The following HNRNPL variants were observed in gnomAD, a reference collection of about 807,000 sequenced individuals.
HNRNPL encodes the protein heterogeneous nuclear ribonucleoprotein L.
In HNRNPL, 12 loss-of-function variants were observed where a neutral mutation model predicts 64.0. The observed-to-expected ratio is 0.19, with a 90% CI of 0.12 to 0.30. The LOEUF (loss-of-function observed/expected upper bound fraction) is 0.30. HNRNPL is among the 10% of genes least tolerant of loss of function. The pLI, the probability that HNRNPL is intolerant of heterozygous loss-of-function variation, is 1.00. For missense variants in HNRNPL, 484 were observed against 797.4 expected (o/e 0.61, Z 4.73); for synonymous variants, 385 against 313.0 (o/e 1.23, Z -2.43).
At chr19:38,849,471 T>A (rs996508737) in intron 1 of HNRNPL, 1 of 495,344 alleles carries the variant, frequency 2.0e-6, no homozygotes, top group African/African-American at 2.0e-5. Flanking sequence ...CCTCACGAGC[T>A]ACTTCCTCTG....
intron 1 of HNRNPL, among the ~76,000 whole-genome samples, chr19:38,848,572 G>T: frequency 6.6e-6 from 1 of 152,250 alleles, no homozygotes; most frequent in East Asian, 1.9e-4. Context: ...TCACTGGGCA[G>T]AAGTGCGTGG....
chr19:38,836,973 TC>T (rs1464896649), intron 12 of HNRNPL, 193 bp from the exon 13 acceptor site: 12 of 561,132 alleles, frequency 2.1e-5, no homozygotes, highest in Non-Finnish European at 2.9e-5. Context: ...CTTCCTTCAT[TC>T]CCATAGAGAA....
Position 38,836,599 on chromosome 19 carries a change from A to T in HNRNPL, c.*123T>A, listed in dbSNP as rs912220759. On this transcript the variant is annotated 3_prime_UTR_variant, in exon 13 of 13. Transcript: ENST00000221419. The stretch of plus-strand genomic sequence containing the variant: ...GTAAGCCTCTACAAACCTAGCATTT[A>T]AAAAAAAAAAAAAAAAAAAAAAAAA... 3.6e-3 allele frequency: 38 copies of T among 10,578 alleles called. No homozygotes were observed. Among genetic ancestry groups the T allele is most frequent in the South Asian group, 0.015 (4 of 260 alleles). The allele number at this position is 10,578 out of a possible 1,614,324, so 0.7% of individuals were successfully genotyped here. A position where few individuals can be genotyped will look rare whatever the true frequency, so the allele number is the denominator to read the frequency against.
At position 38,837,475 on chromosome 19, in the gene HNRNPL, C is replaced by G; in HGVS notation, c.1620G>C (p.Glu540Asp). ...ACTCCAGCAGTCCAGAGGAGCTGCG[C>G]TCACCTGATTGCAAACCAAGGGGAA... ...SSVKVFSGKS[E>D]RSSSGLLEWE... The change falls in exon 12 of 13, where the codon GAG becomes GAC. Residue 540 changes from glutamate (E) to aspartate (D), a missense_variant. Around this residue, in one of 9 missense-constraint regions of HNRNPL, gnomAD observed 69 missense variants for 91.8 expected, o/e 0.75. Transcript: ENST00000221419. The G allele has an allele frequency of 6.2e-7, 1 of 1,614,150 alleles. No homozygotes were observed. The highest frequency in any genetic ancestry group is 8.5e-7 in the Non-Finnish European group (1 of 1,179,942).
chr19:38,840,531 G>A lies in HNRNPL; in HGVS notation c.909C>T (p.Arg303=), dbSNP rs555614813. The stretch of plus-strand genomic sequence containing the variant: ...CTCCCAGGAGAGGGGGCTGCCTCTG[G>A]CGTTTGTTGGGGTTGCTGCCAGGGT... ...QGDPGSNPNK[R]QRQPPLLGDH... is the part of the protein sequence containing the mutation. The change falls in exon 7 of 13, where the codon CGC becomes CGT. Residue 303 remains arginine, a synonymous_variant. Coordinates refer to ENST00000221419, the MANE Select transcript of HNRNPL (RefSeq NM_001533.3). 1.9e-6 allele frequency: 3 copies of A among 1,592,012 alleles called. No homozygotes were observed. The South Asian group carries it at 3.4e-5, about 18-fold the overall frequency.
At chr19:38,842,303 C>T (rs1474087621) in intron 6 of HNRNPL, 1 of 152,498 alleles carries the variant, frequency 6.6e-6, no homozygotes, top group Non-Finnish European at 1.5e-5. Context: ...GAATCTACTT[C>T]CGTCTATGAA....
rs1383823266 is a variant in HNRNPL, at chr19:38,839,001, T to C, written c.1248A>G (p.Lys416=). Residue 416 remains lysine, a synonymous_variant, in exon 9 of 13, where the codon AAA becomes AAG. Transcript: ENST00000221419. ...YGNVEKVKFM[K]SKPGAAMVEM... ...CCACCATGGCGGCCCCCGGCTTGCT[T>C]TTCATGAATTTCACCTTGGGGAGAG... 1.2e-6 allele frequency: 2 copies of C among 1,614,074 alleles called. No homozygotes were observed. The highest frequency in any genetic ancestry group is 1.7e-6 in the Non-Finnish European group (2 of 1,179,980).
chr19:38,837,704 C>CA lies in HNRNPL; in HGVS notation c.1558-54dup, dbSNP rs1261242231. ...ACTCTGAAACAAAAGGGCCGCCACA[C>CA]AGGATTCAAGCAGACCAGGCCCTGC... On this transcript the variant is annotated intron_variant, in intron 10 of 12. Coordinates refer to ENST00000221419, the MANE Select transcript of HNRNPL (RefSeq NM_001533.3). 4 of 1,532,738 alleles carry CA rather than the reference C, an allele frequency of 2.6e-6. No homozygotes were observed. The East Asian group carries it at 9.1e-5, about 35-fold the overall frequency. The allele number at this position is 1,532,738 out of a possible 1,614,324, so 94.9% of individuals were successfully genotyped here.
intron 6 of HNRNPL, chr19:38,843,356 G>C (rs1277480201): frequency 1.2e-5 from 2 of 171,198 alleles, no homozygotes; most frequent in Admixed American, 5.5e-5. Context: ...CCAATCCAGA[G>C]TGTCTCACCT....
Position 38,836,637 on chromosome 19 carries a change from C to G in HNRNPL, c.*85G>C. 8.8e-6 allele frequency: 3 copies of G among 339,244 alleles called. No individual in the cohort carries two copies. The highest frequency in any genetic ancestry group is 1.7e-5 in the Non-Finnish European group (3 of 180,922). The allele number at this position is 339,244 out of a possible 1,614,324, so 21.0% of individuals were successfully genotyped here. On this transcript the variant is annotated 3_prime_UTR_variant, in exon 13 of 13. Coordinates refer to ENST00000221419, the MANE Select transcript of HNRNPL (RefSeq NM_001533.3). ...AAAAAAAAAAAAAGGAATACAAGAT[C>G]TTTTGCAAATAACAAAAACAAAAAA...
At position 38,836,677 on chromosome 19, in the gene HNRNPL, G is replaced by C; in HGVS notation, c.*45C>G. ...AAAACAAAAAATGGCATAAAGGAAA[G>C]AGAAATGTCTTCCTGCTCAGATGGG... On this transcript the variant is annotated 3_prime_UTR_variant, in exon 13 of 13. Transcript: ENST00000221419. 7.8e-7 allele frequency: 1 copy of C among 1,275,708 alleles called. No individual in the cohort carries two copies. Among genetic ancestry groups the C allele is most frequent in the Non-Finnish European group, 1.1e-6 (1 of 920,076 alleles). The allele number at this position is 1,275,708 out of a possible 1,614,324, so 79.0% of individuals were successfully genotyped here. A position where few individuals can be genotyped will look rare whatever the true frequency, so the allele number is the denominator to read the frequency against.
intron 2 of HNRNPL, among the ~76,000 whole-genome samples, chr19:38,846,545 G>A (rs1052973056): frequency 2.6e-5 from 4 of 152,226 alleles, no homozygotes; most frequent in African/African-American, 9.6e-5. Flanking sequence ...GGCTAGGTGG[G>A]CAGACTGCTT....
intron 2 of HNRNPL, among the ~76,000 whole-genome samples, chr19:38,846,619 A>G (rs1458411578): frequency 6.6e-6 from 1 of 152,140 alleles, no homozygotes; most frequent in Non-Finnish European, 1.5e-5. Context: ...AGAACAATAT[A>G]AAAATTAGGC....
intron 8 of HNRNPL, chr19:38,839,389 ACAGAG>A (rs1972035726): frequency 4.5e-6 from 1 of 223,188 alleles, no homozygotes; most frequent in Non-Finnish European, 9.2e-6. Flanking sequence ...CTGGGTTACA[ACAGAG>A]CAGTGCCGGC....
At chr19:38,849,454 C>G (rs1054196076) in intron 1 of HNRNPL, 1 of 438,184 alleles carries the variant, frequency 2.3e-6, no homozygotes, top group African/African-American at 2.1e-5. Flanking sequence ...GCGCACTGGG[C>G]CATTCGCCTC....
At chr19:38,848,802 A>G (rs1213194241) in intron 1 of HNRNPL, among the ~76,000 whole-genome samples, 1 of 152,176 alleles carries the variant, frequency 6.6e-6, no homozygotes, top group East Asian at 1.9e-4. Context: ...AACCTCAGGA[A>G]GCGTTAAGGA....
intron 8 of HNRNPL, among the ~76,000 whole-genome samples, chr19:38,839,832 T>C (rs1024142633): frequency 2.7e-4 from 41 of 152,250 alleles, no homozygotes; most frequent in African/African-American, 9.4e-4. Flanking sequence ...TTATGTTTTA[T>C]AAATCTCTAT....
intron 12 of HNRNPL, 25 bp from the exon 13 acceptor site, chr19:38,836,805 T>C (rs767933979): frequency 6.3e-7 from 1 of 1,595,172 alleles, no homozygotes. Context: ...CAAGTTTGGT[T>C]GGTTCCCGTC....
intron 1 of HNRNPL, 125 bp downstream of exon 1, chr19:38,849,575 C>A (rs926835006): frequency 2.9e-5 from 36 of 1,228,862 alleles, no homozygotes; most frequent in Non-Finnish European, 3.2e-5. Context: ...CCCTCCCCCA[C>A]ACCGTCAACG....
Sources: gnomAD v4.1 joint callset for allele counts (sites outside exome capture counted in the v4.1 genomes callset) on GRCh38, gnomAD v4.1.1 for gene constraint, gnomAD v4.1.1 regional missense constraint, MANE v1.5 for transcripts, NCBI Gene and HGNC (gene_info 2026-07-23, HGNC 2026-07-21) for gene names.